The following TENM4 variants were observed in gnomAD, a reference collection of about 807,000 sequenced individuals.
TENM4 encodes teneurin-4.
TENM4 carries 82 observed loss-of-function variants against 243.3 expected under a neutral mutation model. That is an observed-to-expected ratio of 0.34 (90% CI 0.28 to 0.40). The LOEUF is 0.40. Among genes scored for constraint, TENM4 ranks in the 10% least tolerant of loss-of-function variants. The pLI is 1.00. For synonymous variants in TENM4, 1,412 were observed against 1,456.3 expected (o/e 0.97, Z 0.69); for missense variants, 3,138 against 3,673.3 (o/e 0.85, Z 3.77).
chr11:78,699,168 A>G (rs935414643), intron 28 of TENM4, among the ~76,000 whole-genome samples: 1 of 152,230 alleles, frequency 6.6e-6, no homozygotes, highest in Non-Finnish European at 1.5e-5. Context: ...TGCAGCAGCT[A>G]TCATTTGAGT....
rs756433309 is a variant in TENM4 at position 78,966,647 on chromosome 11, C to T, written c.494-63124G>A. Reference sequence around the variant, plus strand: ...CATTTCAACTGGAGGAACTGAGAAACGCTTCACTGAGCCTTGGAGGATTTC... The same window carrying T: ...CATTTCAACTGGAGGAACTGAGAAATGCTTCACTGAGCCTTGGAGGATTTC... On this transcript the variant is annotated intron_variant, in intron 6 of 33. Coordinates refer to ENST00000278550, the MANE Select transcript of TENM4 (RefSeq NM_001098816.3). Among the ~76,000 whole-genome samples the T allele has an allele frequency of 2.0e-5, 3 of 152,172 alleles. 1 individual carries two copies. The highest frequency in any genetic ancestry group is 7.2e-5 in the African/African-American group (3 of 41,428).
At chr11:79,406,164 T>C (rs1858568139) in intron 1 of TENM4, among the ~76,000 whole-genome samples, 1 of 152,192 alleles carries the variant, frequency 6.6e-6, no homozygotes, top group Non-Finnish European at 1.5e-5. Context: ...TTGCTGACAG[T>C]CATTGTGGCA....
chr11:78,966,342 T>C (rs1857437023), intron 6 of TENM4, among the ~76,000 whole-genome samples: 1 of 152,228 alleles, frequency 6.6e-6, no homozygotes, highest in African/African-American at 2.4e-5. Context: ...GATGTTGCTA[T>C]GCATAAATAT....
chr11:79,145,356 G>C (rs534809559), intron 4 of TENM4, among the ~76,000 whole-genome samples: 1 of 152,154 alleles, frequency 6.6e-6, no homozygotes, highest in South Asian at 2.1e-4. Flanking sequence ...TTAAAAGGCA[G>C]AATGTGACTA....
At chr11:79,328,623 C>G (rs1027794232) in intron 1 of TENM4, among the ~76,000 whole-genome samples, 2 of 151,900 alleles carry the variant, frequency 1.3e-5, no homozygotes, top group African/African-American at 2.4e-5. Flanking sequence ...CCGAGGGAGG[C>G]GGGGACACAG....
intron 14 of TENM4, among the ~76,000 whole-genome samples, chr11:78,809,753 C>A (rs533250983): frequency 1.2e-4 from 19 of 152,274 alleles, no homozygotes; most frequent in Admixed American, 2.6e-4. Flanking sequence ...CAAATAGTTA[C>A]CTTTTTTCCC....
intron 4 of TENM4, among the ~76,000 whole-genome samples, chr11:79,110,119 C>G (rs983404272): frequency 6.6e-6 from 1 of 152,080 alleles, no homozygotes; most frequent in Non-Finnish European, 1.5e-5. Context: ...GAAACAATAC[C>G]CTCCTCCCTC....
chr11:79,299,627 G>A (rs1436051058), intron 1 of TENM4, among the ~76,000 whole-genome samples: 1 of 152,146 alleles, frequency 6.6e-6, no homozygotes, highest in Non-Finnish European at 1.5e-5. Context: ...TGAACTGAAC[G>A]TGATTCTTTC....
chr11:78,912,168 G>A (rs2136354472), intron 6 of TENM4, among the ~76,000 whole-genome samples: 1 of 152,316 alleles, frequency 6.6e-6, no homozygotes, highest in Non-Finnish European at 1.5e-5. Context: ...TAGAGATCTG[G>A]CAATGGACCA....
chr11:79,108,543 T>C (rs1861428514), intron 4 of TENM4, among the ~76,000 whole-genome samples: 1 of 152,140 alleles, frequency 6.6e-6, no homozygotes, highest in Non-Finnish European at 1.5e-5. Flanking sequence ...TATGTAGGTA[T>C]ACATAATATT....
chr11:79,198,607 A>T (rs1404243527), intron 3 of TENM4, among the ~76,000 whole-genome samples: 1 of 152,244 alleles, frequency 6.6e-6, no homozygotes, highest in Non-Finnish European at 1.5e-5. Context: ...AGTTGGTGGG[A>T]ATAGACCCAG....
At chr11:79,369,485 G>A (rs578212053) in intron 1 of TENM4, among the ~76,000 whole-genome samples, 1 of 152,280 alleles carries the variant, frequency 6.6e-6, no homozygotes, top group South Asian at 2.1e-4. Context: ...ACAGAGGTGG[G>A]CACTTCAATA....
chr11:79,285,740 G>A (rs1385181516), intron 2 of TENM4, among the ~76,000 whole-genome samples: 1 of 151,148 alleles, frequency 6.6e-6, no homozygotes, highest in Non-Finnish European at 1.5e-5. Context: ...AAGACATTAT[G>A]CTAAGTGAAA....
intron 3 of TENM4, among the ~76,000 whole-genome samples, chr11:79,164,542 T>C (rs1012562820): frequency 2.1e-5 from 3 of 144,892 alleles, no homozygotes; most frequent in Admixed American, 7.1e-5. Flanking sequence ...TATAGTACTA[T>C]ATATATCTAT....
chr11:78,908,255 C>T (rs533826451), intron 6 of TENM4, among the ~76,000 whole-genome samples: 75 of 152,288 alleles, frequency 4.9e-4, no homozygotes, highest in African/African-American at 1.8e-3. Context: ...CATCAAGTCA[C>T]TTACTTTCTC....
chr11:78,974,697 TTTTC>T (rs1487265402), intron 6 of TENM4, among the ~76,000 whole-genome samples: 1 of 149,688 alleles, frequency 6.7e-6, no homozygotes, highest in African/African-American at 2.5e-5. Flanking sequence ...TTTCTTTTTC[TTTTC>T]TTTCTGTTTT....
At position 78,669,056 on chromosome 11, in the gene TENM4, C is replaced by T; in HGVS notation, c.7289G>A (p.Ser2430Asn). The change falls in exon 32 of 34, where the codon AGC becomes AAC. Residue 2430 changes from serine (S) to asparagine (N), a missense_variant. Around this residue, in one of 2 missense-constraint regions of TENM4, gnomAD observed 2,467 missense variants for 3,059.1 expected, o/e 0.81. Transcript: ENST00000278550. This position sits in a 1 kb window ranked among gnomAD's most constrained non-coding sequence, Gnocchi z 6.4. Reference protein sequence around the residue: ...DYDVLAGRWTSPDHELWKHLS... With the variant: ...DYDVLAGRWTNPDHELWKHLS... ...GTGCTTCCACAGCTCGTGGTCTGGG[C>T]TAGTCCAGCGTCCGGCCAGCACATC... is the stretch of plus-strand genomic sequence containing the variant. The T allele has an allele frequency of 6.2e-7, 1 of 1,613,956 alleles. No individual in the cohort carries two copies. The highest frequency in any genetic ancestry group is 1.1e-5 in the South Asian group (1 of 91,066).
intron 3 of TENM4, among the ~76,000 whole-genome samples, chr11:79,209,172 C>G (rs965405387): frequency 3.3e-5 from 5 of 152,126 alleles, no homozygotes; most frequent in African/African-American, 1.2e-4. Context: ...GACTGCACAC[C>G]CAGCACTGTG....
rs571126843 is a variant in TENM4, at chr11:78,917,185, T to C, written c.494-13662A>G. Reference sequence around the variant, plus strand: ...TATCCTCCTTTCACAGGTAAGAAAATGGAGACTTTGCAAGGCTACACAGCT... The same window carrying C: ...TATCCTCCTTTCACAGGTAAGAAAACGGAGACTTTGCAAGGCTACACAGCT... On this transcript the variant is annotated intron_variant, in intron 6 of 33. Transcript: ENST00000278550. 2.0e-5 allele frequency among the ~76,000 whole-genome samples: 3 copies of C among 152,282 alleles called. No individual in the cohort carries two copies. In the East Asian group the frequency reaches 5.8e-4, roughly 29 times the overall value.
Sources: allele counts gnomAD v4.1 joint callset (sites outside exome capture counted in the v4.1 genomes callset), GRCh38; gene constraint gnomAD v4.1.1; regional missense constraint gnomAD v4.1.1; non-coding constraint Gnocchi (gnomAD v3.1); transcripts MANE v1.5; gene names NCBI Gene and HGNC (gene_info 2026-07-23, HGNC 2026-07-21).